RAD54B: variants seen among roughly 807,000 people sequenced by gnomAD.
RAD54B encodes the protein RAD54 homolog B.
In RAD54B, 78 loss-of-function variants were observed where a neutral mutation model predicts 95.8. The observed-to-expected ratio is 0.81, with a 90% CI of 0.68 to 0.98. The LOEUF is 0.98. RAD54B is among the 50% of genes least tolerant of loss of function. The probability of loss-of-function intolerance (pLI) is 0.00; values close to 1 mark genes in which losing one functional copy is unlikely to be tolerated. For synonymous variants in RAD54B, 328 were observed against 354.9 expected (o/e 0.92, Z 0.85); for missense variants, 957 against 1,056.6 (o/e 0.91, Z 1.31).
At chr8:94,375,340 G>A (rs1271984735) in intron 14 of RAD54B, among the ~76,000 whole-genome samples, 13 of 152,230 alleles carry the variant, frequency 8.5e-5, no homozygotes, top group Non-Finnish European at 1.2e-4. Context: ...GGAAGGACCC[G>A]GTGGGAGATG....
Position 94,372,006 on chromosome 8 carries a change from T to A in RAD54B, c.*164A>T, listed in dbSNP as rs1810451435. On this transcript the variant is annotated 3_prime_UTR_variant, in exon 15 of 15. Transcript: ENST00000336148. ...TTATTTTTCATTTAAACACTTAATA[T>A]TTACAAAACATTAAACCACTCAATT... The A allele has an allele frequency of 8.3e-7, 1 of 1,198,958 alleles. No individual in the cohort carries two copies. The highest frequency in any genetic ancestry group is 2.0e-5 in the South Asian group (1 of 49,960). 74.3% of individuals were successfully genotyped at this position (1,198,958 alleles called of 1,614,324 possible). A position where few individuals can be genotyped will look rare whatever the true frequency, so the allele number is the denominator to read the frequency against.
Position 94,380,150 on chromosome 8 carries a change from T to C in RAD54B, c.2242A>G (p.Ile748Val). 1.9e-6 allele frequency: 3 copies of C among 1,607,548 alleles called. No homozygotes were observed. The highest frequency in any genetic ancestry group is 2.2e-5 in the East Asian group (1 of 44,770). ...TAATGCATAAATATTCCTACCTGAA[T>C]GTCAGTGGCTGGATTCCAATCAATG... Reference protein sequence around the residue: ...YDIDWNPATDIQAMSRVWRDG... With the variant: ...YDIDWNPATDVQAMSRVWRDG... The change falls in exon 12 of 15, where the codon ATT becomes GTT. Residue 748 changes from isoleucine (I) to valine (V), a missense_variant. Ile to Val is a conservative substitution (Grantham distance 29). Transcript: ENST00000336148.
intron 3 of RAD54B, among the ~76,000 whole-genome samples, chr8:94,426,315 T>TAA (rs1244499020): frequency 6.6e-6 from 1 of 151,252 alleles, no homozygotes; most frequent in Non-Finnish European, 1.5e-5. Context: ...TAAAATGATA[T>TAA]AATCACTTTA....
chr8:94,462,799 TATTTA>T (rs1222264285), intron 2 of RAD54B, among the ~76,000 whole-genome samples: 7 of 152,130 alleles, frequency 4.6e-5, no homozygotes, highest in South Asian at 2.1e-4. Context: ...GTAAAATAAC[TATTTA>T]ATTTATTTAT....
intron 9 of RAD54B, among the ~76,000 whole-genome samples, chr8:94,392,857 A>T (rs1305583044): frequency 1.7e-5 from 2 of 117,310 alleles, no homozygotes; most frequent in Non-Finnish European, 1.7e-5. Flanking sequence ...TTTTTTTTTG[A>T]GATGGAGTTT....
At chr8:94,465,967 TAG>T (rs1813014851) in intron 2 of RAD54B, among the ~76,000 whole-genome samples, 1 of 152,192 alleles carries the variant, frequency 6.6e-6, no homozygotes, top group Admixed American at 6.5e-5. Flanking sequence ...GTCAGATTTA[TAG>T]AGACAAAAAG....
intron 2 of RAD54B, among the ~76,000 whole-genome samples, chr8:94,465,738 A>G (rs1309893178): frequency 6.6e-6 from 1 of 152,246 alleles, no homozygotes; most frequent in African/African-American, 2.4e-5. Flanking sequence ...TCGCCATAGC[A>G]AAAAGGTGGA....
chr8:94,439,579 G>A (rs1052832875), intron 3 of RAD54B, among the ~76,000 whole-genome samples: 4 of 148,140 alleles, frequency 2.7e-5, no homozygotes, highest in East Asian at 2.0e-4. Context: ...GGTGGGTGGC[G>A]TATGGCTTAC....
chr8:94,391,466 C>A, intron 10 of RAD54B, 143 bp downstream of exon 10: 1 of 760,160 alleles, frequency 1.3e-6, no homozygotes, highest in Non-Finnish European at 2.0e-6. Flanking sequence ...ATAAGCTCTA[C>A]AGCAGAACCA....
At chr8:94,400,214 A>T in intron 7 of RAD54B, 24 bp downstream of exon 7, 1 of 1,586,280 alleles carries the variant, frequency 6.3e-7, no homozygotes, top group Non-Finnish European at 8.6e-7. Context: ...TAAATGACTA[A>T]GGCTAAACTT....
chr8:94,391,859 G>A lies in RAD54B; in HGVS notation c.1559C>T (p.Thr520Ile). Residue 520 changes from threonine to isoleucine, a missense_variant, in exon 10 of 15, where the codon ACT becomes ATT. Thr to Ile is a moderately conservative substitution (Grantham distance 89). Coordinates refer to ENST00000336148, the MANE Select transcript of RAD54B (RefSeq NM_012415.3). ...AAGGATAAAGAGTCCAGTGAGGCAA[G>A]TAAGTTCAGCTGCTCTTCTTTCTCC... ...ELGERRAAEL[T>I]CLTGLFILRR... is the part of the protein sequence containing the mutation. 9.3e-6 allele frequency: 15 copies of A among 1,612,940 alleles called. No individual in the cohort carries two copies. Among genetic ancestry groups the A allele is most frequent in the African/African-American group, 2.7e-5 (2 of 74,914 alleles).
intron 11 of RAD54B, 35 bp from the exon 12 acceptor site, chr8:94,380,441 T>C (rs1810711337): frequency 3.2e-6 from 5 of 1,551,678 alleles, no homozygotes; most frequent in Non-Finnish European, 4.3e-6. Context: ...TTAGATAAAT[T>C]TAAAGGCAGC....
rs745782553 is a variant in RAD54B, at chr8:94,400,367, T to A, written c.1041A>T (p.Gly347=). The stretch of plus-strand genomic sequence containing the variant: ...TTATTACTGGCTTGCCTCCATAGGG[T>A]CCCTGACACTGCAGGGTCCAGATGA... The part of the protein sequence containing the change: ...ISLIWTLQCQ[G]PYGGKPVIKK... Residue 347 remains glycine, a synonymous_variant, in exon 7 of 15, where the codon GGA becomes GGT. Coordinates refer to ENST00000336148, the MANE Select transcript of RAD54B (RefSeq NM_012415.3). The A allele has an allele frequency of 6.2e-7, 1 of 1,613,764 alleles. No homozygotes were observed. The highest frequency in any genetic ancestry group is 1.1e-5 in the South Asian group (1 of 91,080).
intron 1 of RAD54B, among the ~76,000 whole-genome samples, chr8:94,468,754 G>A (rs761949559): frequency 3.3e-5 from 5 of 151,946 alleles, no homozygotes; most frequent in Admixed American, 6.6e-5. Flanking sequence ...GCGTGAACCC[G>A]GGAGGCGGAG....
chr8:94,409,407 C>T (rs916532533), intron 4 of RAD54B, among the ~76,000 whole-genome samples: 1 of 151,610 alleles, frequency 6.6e-6, no homozygotes, highest in African/African-American at 2.4e-5. Context: ...CAGGGTCTCT[C>T]CAGCCCAGGC....
chr8:94,436,428 G>A (rs1385173976), intron 3 of RAD54B: 9 of 1,455,870 alleles, frequency 6.2e-6, no homozygotes, highest in Admixed American at 2.7e-5. Flanking sequence ...TCTCTATCAC[G>A]ACTAAGCCAA....
rs904639544 is a variant in RAD54B at position 94,470,735 on chromosome 8, G to C, written c.-16-3180C>G. On this transcript the variant is annotated intron_variant, in intron 1 of 14. Coordinates refer to ENST00000336148, the MANE Select transcript of RAD54B (RefSeq NM_012415.3). ...ATCGCACCACTGCACTCCAGCCTGG[G>C]TGACAGAGCAACACTCTGTCTCAAA... Among the ~76,000 whole-genome samples the C allele has an allele frequency of 2.0e-5, 3 of 151,840 alleles. No homozygotes were observed. In the East Asian group the frequency reaches 5.8e-4, roughly 29 times the overall value.
chr8:94,386,520 A>G (rs368022906), intron 11 of RAD54B, among the ~76,000 whole-genome samples: 31 of 152,194 alleles, frequency 2.0e-4, no homozygotes, highest in Non-Finnish European at 8.8e-5. Context: ...TTGGTATCCA[A>G]GAAGATATAA....
intron 9 of RAD54B, 127 bp downstream of exon 9, chr8:94,393,616 G>A (rs1051126133): frequency 9.0e-6 from 8 of 884,652 alleles, no homozygotes; most frequent in South Asian, 3.9e-5. Flanking sequence ...TGCAAGAAAC[G>A]AAGGATTGTG....
Sources: gnomAD v4.1 joint callset for allele counts (sites outside exome capture counted in the v4.1 genomes callset) on GRCh38, gnomAD v4.1.1 for gene constraint, MANE v1.5 for transcripts, NCBI Gene and HGNC (gene_info 2026-07-23, HGNC 2026-07-21) for gene names.